The following XPOT variants were observed in gnomAD, a reference collection of about 807,000 sequenced individuals.
XPOT encodes exportin for tRNA.
XPOT carries 34 observed loss-of-function variants against 128.2 expected under a neutral mutation model. That is an observed-to-expected ratio of 0.27 (90% CI 0.20 to 0.35). The LOEUF (loss-of-function observed/expected upper bound fraction) is 0.35. Among genes scored for constraint, XPOT ranks in the 10% least tolerant of loss-of-function variants. XPOT has a pLI of 1.00. For missense variants in XPOT, 838 were observed against 1,125.3 expected (o/e 0.74, Z 3.65); for synonymous variants, 348 against 394.3 (o/e 0.88, Z 1.39).
chr12:64,424,915 A>C, intron 12 of XPOT, 123 bp from the exon 13 acceptor site: 1 of 1,354,514 alleles, frequency 7.4e-7, no homozygotes, highest in Non-Finnish European at 1.0e-6. Flanking sequence ...TTGCCTGGGA[A>C]AGTTAACAGT....
chr12:64,448,192 G>A lies in XPOT; in HGVS notation c.*61G>A, dbSNP rs532856035. The A allele has an allele frequency of 1.6e-5, 24 of 1,526,574 alleles. No homozygotes were observed. Among genetic ancestry groups the A allele is most frequent in the Middle Eastern group, 1.9e-4 (1 of 5,362 alleles). The allele number at this position is 1,526,574 out of a possible 1,614,324, so 94.6% of individuals were successfully genotyped here. A position where few individuals can be genotyped will look rare whatever the true frequency, so the allele number is the denominator to read the frequency against. ...AATTCCAGTTAATTTATAAAGAGGC[G>A]ATTTTTGTGTGCCATTCACACTGGT... On this transcript the variant is annotated 3_prime_UTR_variant, in exon 25 of 25. Transcript: ENST00000332707.
chr12:64,431,719 C>G lies in XPOT; in HGVS notation c.2158C>G (p.Leu720Val), dbSNP rs915180585. 5 of 1,614,076 alleles carry G rather than the reference C, an allele frequency of 3.1e-6. No homozygotes were observed. Among genetic ancestry groups the G allele is most frequent in the Non-Finnish European group, 4.2e-6 (5 of 1,179,972 alleles). Residue 720 changes from leucine to valine, a missense_variant, in exon 18 of 25, where the codon CTT (leucine) becomes GTT (valine). By Grantham distance (32) the Leu-to-Val change is conservative. Transcript: ENST00000332707. ...RMIICLEEEV[L>V]PFIPSASEHM... ...GATTATTTGCCTGGAGGAAGAAGTT[C>G]TTCCGTTCATTCCATCTGCTTCAGA...
At chr12:64,409,734 CAAA>C (rs771015580) in intron 1 of XPOT, 8 of 257,612 alleles carry the variant, frequency 3.1e-5, no homozygotes, top group Middle Eastern at 1.4e-3. Flanking sequence ...GACTCCGTCT[CAAA>C]AAAAAAAATC....
intron 2 of XPOT, 97 bp from the exon 3 acceptor site, chr12:64,414,810 T>G: frequency 1.4e-6 from 1 of 696,416 alleles, no homozygotes; most frequent in Non-Finnish European, 2.5e-6. Context: ...TTTACTGATT[T>G]GTTATAGGTT....
chr12:64,412,840 A>ATCT (rs2040052503), intron 2 of XPOT, among the ~76,000 whole-genome samples: 1 of 152,198 alleles, frequency 6.6e-6, no homozygotes, highest in Non-Finnish European at 1.5e-5. Context: ...GAACTTAGAA[A>ATCT]AACAGTTGAC....
At chr12:64,434,991 T>TAA (rs2040270510) in intron 21 of XPOT, 82 bp downstream of exon 21, 36 of 1,189,750 alleles carry the variant, frequency 3.0e-5, no homozygotes, top group Admixed American at 2.6e-4. Context: ...GATTATATTA[T>TAA]GTTTCATTGA....
chr12:64,431,534 ATAGT>A lies in XPOT; in HGVS notation c.1977-3_1977del. ...ATCTGATTGCCTGATTTTTGCTTATATAGTCGAACCAGTAAAGCTTTCAGCAACA... is the reference window on the plus strand; with the variant it reads ...ATCTGATTGCCTGATTTTTGCTTATACGAACCAGTAAAGCTTTCAGCAACA... On this transcript the variant is annotated splice_acceptor_variant and splice_polypyrimidine_tract_variant and coding_sequence_variant and intron_variant, in exon 18 of 25. Coordinates refer to ENST00000332707, the MANE Select transcript of XPOT (RefSeq NM_007235.6). LOFTEE classifies it high-confidence loss of function. 6.2e-7 allele frequency: 1 copy of A among 1,610,306 alleles called. No homozygotes were observed. The highest frequency in any genetic ancestry group is 8.5e-7 in the Non-Finnish European group (1 of 1,177,098).
At chr12:64,411,848 AG>A (rs2040041248) in intron 2 of XPOT, among the ~76,000 whole-genome samples, 1 of 152,202 alleles carries the variant, frequency 6.6e-6, no homozygotes, top group African/African-American at 2.4e-5. Context: ...GTCAACCATT[AG>A]AAAAAAGGTA....
In XPOT at chr12:64,424,685, A is replaced by G; in HGVS notation, c.1269A>G (p.Leu423=). The G allele has an allele frequency of 1.9e-6, 3 of 1,613,336 alleles. No individual in the cohort carries two copies. Among genetic ancestry groups the G allele is most frequent in the African/African-American group, 1.3e-5 (1 of 75,016 alleles). The change falls in exon 12 of 25, where the codon CTA becomes CTG. Residue 423 remains leucine (L), a synonymous_variant. Transcript: ENST00000332707. ...DRLAQVSPEL[L]LASVRRVFSS... ...TTGCTCAAGTTTCACCAGAGTTACTACTGGCCTCTGTTCGCAGAGTTTTTA... is the reference window on the plus strand; with the variant it reads ...TTGCTCAAGTTTCACCAGAGTTACTGCTGGCCTCTGTTCGCAGAGTTTTTA...
chr12:64,431,831 A>G lies in XPOT; in HGVS notation c.2262+8A>G. On this transcript the variant is annotated splice_region_variant and intron_variant, in intron 18 of 24. Coordinates refer to ENST00000332707, the MANE Select transcript of XPOT (RefSeq NM_007235.6). ...ATTACGGCCAAATTCAAGGTACCGC[A>G]AACTTTCAGAGCTCTGAAAATCTCT... 6.2e-7 allele frequency: 1 copy of G among 1,607,396 alleles called. No individual in the cohort carries two copies. Among genetic ancestry groups the G allele is most frequent in the Non-Finnish European group, 8.5e-7 (1 of 1,176,120 alleles).
At chr12:64,427,359 G>T (rs2040201504) in intron 15 of XPOT, among the ~76,000 whole-genome samples, 1 of 152,022 alleles carries the variant, frequency 6.6e-6, no homozygotes, top group Non-Finnish European at 1.5e-5. Flanking sequence ...GACCTGAGAT[G>T]ATCCACCCTC....
chr12:64,418,386 G>T (rs2040107663), intron 5 of XPOT, among the ~76,000 whole-genome samples: 3 of 152,156 alleles, frequency 2.0e-5, no homozygotes, highest in Non-Finnish European at 2.9e-5. Flanking sequence ...CTTGACAAAT[G>T]CTGCTTTCTG....
chr12:64,418,019 ATTCTTT>A, intron 4 of XPOT, 21 bp from the exon 5 acceptor site: 1 of 1,578,554 alleles, frequency 6.3e-7, no homozygotes, highest in African/African-American at 1.4e-5. Flanking sequence ...TATAGCCATT[ATTCTTT>A]TTCTTCTCTA....
intron 3 of XPOT, among the ~76,000 whole-genome samples, chr12:64,415,600 C>T (rs371810505): frequency 5.5e-4 from 84 of 152,148 alleles, no homozygotes; most frequent in African/African-American, 2.0e-3. Context: ...AGGATGGTCT[C>T]GATCTCCTGA....
At position 64,430,078 on chromosome 12, in the gene XPOT, C is replaced by A. The variant is rs766274967; in HGVS notation, c.1767C>A (p.Ser589Arg). Residue 589 changes from serine to arginine, a missense_variant, in exon 17 of 25, where the codon AGC (serine) becomes AGA (arginine). Ser to Arg is a moderately radical substitution (Grantham distance 110). This residue lies in a region of XPOT where 761 missense variants were observed against 988.3 expected (regional missense o/e 0.77). Transcript: ENST00000332707. Reference protein sequence around the residue: ...PENGHQSLLSSDDQLFIYETA... With the variant: ...PENGHQSLLSRDDQLFIYETA... ...ATGGCCACCAGTCCTTACTGAGCAG[C>A]GATGATCAACTTTTTATTTATGAGA... 2.5e-6 allele frequency: 4 copies of A among 1,610,650 alleles called. No homozygotes were observed. The highest frequency in any genetic ancestry group is 3.4e-6 in the Non-Finnish European group (4 of 1,178,712).
At chr12:64,412,848 G>A (rs547661867) in intron 2 of XPOT, among the ~76,000 whole-genome samples, 1 of 152,254 alleles carries the variant, frequency 6.6e-6, no homozygotes, top group African/African-American at 2.4e-5. Flanking sequence ...AAAAACAGTT[G>A]ACTTTCTTGT....
rs1472848094 is a variant in XPOT at position 64,404,411 on chromosome 12, G to A, written c.-468G>A. The A allele has an allele frequency of 2.6e-5, 4 of 151,972 alleles. No homozygotes were observed. The highest frequency in any genetic ancestry group is 9.7e-5 in the African/African-American group (4 of 41,258). 9.4% of individuals were successfully genotyped at this position (151,972 alleles called of 1,614,324 possible). On this transcript the variant is annotated 5_prime_UTR_variant, in exon 1 of 25. Transcript: ENST00000332707. ...GCCCGCACTCTCCAAGAGACTGCTGGCGCCGGCGCCCGCCCGCGCGGCACC... is the reference window on the plus strand; with the variant it reads ...GCCCGCACTCTCCAAGAGACTGCTGACGCCGGCGCCCGCCCGCGCGGCACC...
chr12:64,422,825 C>G (rs2136021334), intron 9 of XPOT, among the ~76,000 whole-genome samples, 180 bp from the exon 10 acceptor site: 1 of 149,302 alleles, frequency 6.7e-6, no homozygotes, highest in South Asian at 2.1e-4. Context: ...ATCTCTTGAG[C>G]CAGGGAGTTG....
intron 23 of XPOT, among the ~76,000 whole-genome samples, chr12:64,442,081 G>GA (rs1565804651): frequency 6.7e-6 from 1 of 149,944 alleles, no homozygotes; most frequent in African/African-American, 2.5e-5. Flanking sequence ...GTGTAAAGTG[G>GA]GGGGGGGACC....
Sources: gnomAD v4.1 joint callset for allele counts (sites outside exome capture counted in the v4.1 genomes callset) on GRCh38, gnomAD v4.1.1 for gene constraint, gnomAD v4.1.1 regional missense constraint, MANE v1.5 for transcripts, NCBI Gene and HGNC (gene_info 2026-07-23, HGNC 2026-07-21) for gene names.